The following PCNX4 variants were observed in gnomAD, a reference collection of about 807,000 sequenced individuals.
The protein encoded by PCNX4 is pecanex-like protein 4.
Under a neutral mutation model 107.2 loss-of-function variants are expected in PCNX4, and 103 were observed. The observed-to-expected ratio is 0.96, with a 90% CI of 0.82 to 1.13. PCNX4 has a LOEUF of 1.13. PCNX4 is among the 50% of genes most tolerant of loss of function. The pLI, the probability that PCNX4 is intolerant of heterozygous loss-of-function variation, is 0.00. For synonymous variants in PCNX4, 541 were observed against 481.7 expected, an observed-to-expected ratio of 1.12 and a Z score of -1.61; for missense variants, 1,528 against 1,379.4, an observed-to-expected ratio of 1.11 and a Z score of -1.71.
In PCNX4 at chr14:60,118,458, A is replaced by T. The variant is rs1470324367; in HGVS notation, c.1708A>T (p.Ile570Phe). 1.9e-6 allele frequency: 3 copies of T among 1,613,734 alleles called. No individual in the cohort carries two copies. The highest frequency in any genetic ancestry group is 1.7e-5 in the Admixed American group (1 of 59,892). ...AACTGCCACTTTATGTATACTCAACATTGTCTTTTCTCCATTCGTGTTGGT... is the reference window on the plus strand; with the variant it reads ...AACTGCCACTTTATGTATACTCAACTTTGTCTTTTCTCCATTCGTGTTGGT... ...KTTATLCILN[I>F]VFSPFVLVII... Residue 570 changes from isoleucine (I) to phenylalanine (F), a missense_variant, in exon 7 of 11, where the codon ATT becomes TTT. Physicochemically the swap from Ile to Phe is conservative, Grantham distance 21. Transcript: ENST00000406854.
intron 10 of PCNX4, among the ~76,000 whole-genome samples, chr14:60,132,158 T>C (rs1441491554): frequency 6.6e-6 from 1 of 152,222 alleles, no homozygotes; most frequent in East Asian, 1.9e-4. Context: ...TCCTGGCCTC[T>C]TCCAACTTCT....
At position 60,107,697 on chromosome 14, in the gene PCNX4, T is replaced by C; in HGVS notation, c.59T>C (p.Phe20Ser). The change falls in exon 2 of 11, where the codon TTT becomes TCT. Residue 20 changes from phenylalanine (F) to serine (S), a missense_variant. Phe to Ser is a radical substitution (Grantham distance 155). Transcript: ENST00000406854. ...AAGCAGGACTTCTTTCTGAAGCGCT[T>C]TCCACAGACTGTTCTTGGAGGCCCT... ...DYKQDFFLKR[F>S]PQTVLGGPRF... 6.2e-7 allele frequency: 1 copy of C among 1,612,862 alleles called. No homozygotes were observed. The highest frequency in any genetic ancestry group is 8.5e-7 in the Non-Finnish European group (1 of 1,179,878).
rs1277242925 is a variant in PCNX4, at chr14:60,145,038, G to A, written c.*10817G>A. The A allele has an allele frequency of 3.2e-6, 5 of 1,542,270 alleles. No homozygotes were observed. The African/African-American group carries it at 7.1e-5, about 22-fold the overall frequency. ...CCTGTAAAAGAGGGACAGAAACATG[G>A]ATCAGTACCTACTCCTATTTACTCC... On this transcript the variant is annotated 3_prime_UTR_variant, in exon 11 of 11. Transcript: ENST00000406854. The surrounding 1 kb of genome is among the most constrained non-coding windows in gnomAD (Gnocchi z 4.0).
chr14:60,100,695 G>T (rs1461132665), intron 1 of PCNX4, among the ~76,000 whole-genome samples: 1 of 152,198 alleles, frequency 6.6e-6, no homozygotes, highest in Non-Finnish European at 1.5e-5. Context: ...TGTCTAAGGG[G>T]CCTAGAGAGT....
intron 1 of PCNX4, among the ~76,000 whole-genome samples, chr14:60,106,218 C>T (rs1895625907): frequency 6.6e-6 from 1 of 152,262 alleles, no homozygotes; most frequent in South Asian, 2.1e-4. Flanking sequence ...GGACCTCCCT[C>T]ATATACCAAA....
chr14:60,092,681 C>T (rs1321205239), intron 1 of PCNX4, among the ~76,000 whole-genome samples: 2 of 152,150 alleles, frequency 1.3e-5, no homozygotes, highest in Non-Finnish European at 2.9e-5. Flanking sequence ...GAGACTCGTA[C>T]GAAATGGAAT....
rs1397399490 is a variant in PCNX4, at chr14:60,138,223, T to G, written c.*4002T>G. On this transcript the variant is annotated 3_prime_UTR_variant, in exon 11 of 11. Transcript: ENST00000406854. ...TGTGAAAAACTAAGAGACAAAAGAA[T>G]AGAAAATATAGTAGAGAGTATAAGA... The G allele has an allele frequency of 5.3e-5, 8 of 151,670 alleles. No homozygotes were observed. The East Asian group carries it at 1.5e-3, about 29-fold the overall frequency. The allele number at this position is 151,670 out of a possible 1,614,324, so 9.4% of individuals were successfully genotyped here. A position where few individuals can be genotyped will look rare whatever the true frequency, so the allele number is the denominator to read the frequency against.
At chr14:60,125,315 A>G (rs1896034440) in intron 9 of PCNX4, 64 bp downstream of exon 9, 1 of 1,374,200 alleles carries the variant, frequency 7.3e-7, no homozygotes, top group Non-Finnish European at 9.6e-7. Context: ...TTTCTAAATC[A>G]CGTACAAGAA....
In PCNX4 at chr14:60,125,739, T is replaced by G; in HGVS notation, c.3183T>G (p.Ile1061Met). ...YLEEYERDWY[I>M]GLVSDEKWKE... is the part of the protein sequence containing the mutation. ...AAGAATATGAACGTGACTGGTACAT[T>G]GGTTTGGTATCTGATGAAAAGTGGA... Residue 1061 changes from isoleucine to methionine, a missense_variant, in exon 10 of 11, where the codon ATT becomes ATG. Transcript: ENST00000406854. The G allele has an allele frequency of 6.2e-7, 1 of 1,611,722 alleles. No individual in the cohort carries two copies. Among genetic ancestry groups the G allele is most frequent in the Middle Eastern group, 1.7e-4 (1 of 6,050 alleles).
intron 1 of PCNX4, among the ~76,000 whole-genome samples, chr14:60,097,252 G>A (rs1036386084): frequency 6.6e-6 from 1 of 152,092 alleles, no homozygotes; most frequent in African/African-American, 2.4e-5. Context: ...GTGAGTCTAC[G>A]GAACCAGGGT....
In PCNX4 at chr14:60,125,773, A is replaced by C. The variant is rs145320435; in HGVS notation, c.3217A>C (p.Ile1073Leu). The stretch of plus-strand genomic sequence containing the variant: ...ATCTGATGAAAAGTGGAAGGAAGCA[A>C]TTTTACAAGAAAAGCCATACTTGTT... Reference protein sequence around the residue: ...LVSDEKWKEAILQEKPYLFSL... With the variant: ...LVSDEKWKEALLQEKPYLFSL... Residue 1073 changes from isoleucine (I) to leucine (L), a missense_variant, in exon 10 of 11, where the codon ATT (isoleucine) becomes CTT (leucine). Coordinates refer to ENST00000406854, the MANE Select transcript of PCNX4 (RefSeq NM_001330177.2). 15 of 1,611,056 alleles carry C rather than the reference A, an allele frequency of 9.3e-6. No individual in the cohort carries two copies. The highest frequency in any genetic ancestry group is 1.2e-5 in the Non-Finnish European group (14 of 1,178,774).
chr14:60,115,059 A>C lies in PCNX4; in HGVS notation c.955A>C (p.Thr319Pro). The C allele has an allele frequency of 6.2e-7, 1 of 1,613,648 alleles. No homozygotes were observed. The highest frequency in any genetic ancestry group is 8.5e-7 in the Non-Finnish European group (1 of 1,179,822). Residue 319 changes from threonine to proline, a missense_variant, in exon 4 of 11, where the codon ACT becomes CCT. Thr to Pro is a conservative substitution (Grantham distance 38). Coordinates refer to ENST00000406854, the MANE Select transcript of PCNX4 (RefSeq NM_001330177.2). The part of the protein sequence containing the change: ...PSTVGVVLFM[T>P]GFGFLLSLNL... The stretch of plus-strand genomic sequence containing the variant: ...CACTGTTGGTGTGGTTCTTTTCATG[A>C]CTGGATTTGGTTTCTTGCTGAGTCT...
rs1896365299 is a variant in PCNX4 at position 60,145,085 on chromosome 14, T to G, written c.*10864T>G. The G allele has an allele frequency of 6.4e-6, 7 of 1,099,526 alleles. No individual in the cohort carries two copies. Among genetic ancestry groups the G allele is most frequent in the African/African-American group, 1.6e-5 (1 of 60,922 alleles). The allele number at this position is 1,099,526 out of a possible 1,614,324, so 68.1% of individuals were successfully genotyped here. ...CTCCAGTTTTTAACATTTAAGTCCT[T>G]CTGTTTTGAGGAGCTGTATCATTAT... On this transcript the variant is annotated 3_prime_UTR_variant, in exon 11 of 11. Transcript: ENST00000406854. This position sits in a 1 kb window ranked among gnomAD's most constrained non-coding sequence, Gnocchi z 4.0.
At chr14:60,104,328 AAAAAAAAAAAAAAAAAAAAG>A (rs1413867110) in intron 1 of PCNX4, among the ~76,000 whole-genome samples, 2 of 15,002 alleles carry the variant, frequency 1.3e-4, no homozygotes, top group Non-Finnish European at 1.2e-3. Context: ...CAAAAAAAAA[AAAAAAAAAAAAAAAAAAAAG>A]AGCTAAAATG....
In PCNX4 at chr14:60,115,898, A is replaced by G. The variant is rs781449973; in HGVS notation, c.1459-43A>G. 6.9e-6 allele frequency: 11 copies of G among 1,592,098 alleles called. No homozygotes were observed. In the South Asian group the frequency reaches 1.2e-4, roughly 18 times the overall value. ...TTTTGTTTAATAGTTTGCTTAGATT[A>G]TCTAATTCTACCTGATAAAAATGGA... is the stretch of plus-strand genomic sequence containing the variant. On this transcript the variant is annotated intron_variant, in intron 5 of 10. Coordinates refer to ENST00000406854, the MANE Select transcript of PCNX4 (RefSeq NM_001330177.2).
In PCNX4 at chr14:60,125,194, C is replaced by T. The variant is rs770797968; in HGVS notation, c.3023C>T (p.Ala1008Val). The T allele has an allele frequency of 2.5e-6, 4 of 1,608,464 alleles. No homozygotes were observed. Among genetic ancestry groups the T allele is most frequent in the African/African-American group, 2.7e-5 (2 of 74,616 alleles). ...GGTGGTGTTTTGCCTTGGTCTGTTGCTTTGGACTGGCTCACAGAAAAGCCA... is the reference window on the plus strand; with the variant it reads ...GGTGGTGTTTTGCCTTGGTCTGTTGTTTTGGACTGGCTCACAGAAAAGCCA... ...VYGGVLPWSVALDWLTEKPEL... is the reference protein window; with the variant it reads ...VYGGVLPWSVVLDWLTEKPEL... The change falls in exon 9 of 11, where the codon GCT becomes GTT. Residue 1008 changes from alanine to valine, a missense_variant. Transcript: ENST00000406854.
At position 60,114,746 on chromosome 14, in the gene PCNX4, C is replaced by T. The variant is rs1895807766; in HGVS notation, c.736C>T (p.His246Tyr). Residue 246 changes from histidine to tyrosine, a missense_variant, in exon 3 of 11, where the codon CAC (histidine) becomes TAC (tyrosine). Coordinates refer to ENST00000406854, the MANE Select transcript of PCNX4 (RefSeq NM_001330177.2). ...PALEHMNQIL[H>Y]ILFVFLPFLW... ...TCTAGAACACATGAATCAGATTTTACACATCTTGTTTGTATTTTTACCCTT... is the reference window on the plus strand; with the variant it reads ...TCTAGAACACATGAATCAGATTTTATACATCTTGTTTGTATTTTTACCCTT... 1.9e-6 allele frequency: 3 copies of T among 1,613,446 alleles called. No homozygotes were observed. Among genetic ancestry groups the T allele is most frequent in the African/African-American group, 1.3e-5 (1 of 74,824 alleles).
rs776036768 is a variant in PCNX4, at chr14:60,125,698, C to G, written c.3142C>G (p.Leu1048Val). 2 of 1,599,398 alleles carry G rather than the reference C, an allele frequency of 1.3e-6. No individual in the cohort carries two copies. Among genetic ancestry groups the G allele is most frequent in the Admixed American group, 1.7e-5 (1 of 57,864 alleles). ...AGGTCCAATAGAAGACTTTAGAGAA[C>G]TGATTAAGTACCTTGAAGAATATGA... ...SLGPIEDFRE[L>V]IKYLEEYERD... Residue 1048 changes from leucine (L) to valine (V), a missense_variant, in exon 10 of 11, where the codon CTG (leucine) becomes GTG (valine). Leu to Val is a conservative substitution (Grantham distance 32). Coordinates refer to ENST00000406854, the MANE Select transcript of PCNX4 (RefSeq NM_001330177.2).
Position 60,138,284 on chromosome 14 carries a change from G to A in PCNX4, c.*4063G>A, listed in dbSNP as rs1000431412. 7 of 152,230 alleles carry A rather than the reference G, an allele frequency of 4.6e-5. No homozygotes were observed. In the East Asian group the frequency reaches 5.8e-4, roughly 13 times the overall value. The allele number at this position is 152,230 out of a possible 1,614,324, so 9.4% of individuals were successfully genotyped here. Reference sequence around the variant, plus strand: ...TAACTTGAGAAGATCTAACATACACGTAACTGGATTTCCAGGAGAAGAGAG... The same window carrying A: ...TAACTTGAGAAGATCTAACATACACATAACTGGATTTCCAGGAGAAGAGAG... On this transcript the variant is annotated 3_prime_UTR_variant, in exon 11 of 11. Coordinates refer to ENST00000406854, the MANE Select transcript of PCNX4 (RefSeq NM_001330177.2).
Sources: allele counts gnomAD v4.1 joint callset (sites outside exome capture counted in the v4.1 genomes callset), GRCh38; gene constraint gnomAD v4.1.1; non-coding constraint Gnocchi (gnomAD v3.1); transcripts MANE v1.5; gene names NCBI Gene and HGNC (gene_info 2026-07-23, HGNC 2026-07-21).